Variants in QTMAN observed in about 807,000 individuals in gnomAD.
QTMAN encodes the protein queuosine-tRNA mannosyltransferase.
the QTMAN span, among the ~76,000 whole-genome samples, chr2:144,098,548 C>G: frequency 6.6e-6 from 1 of 152,032 alleles, no homozygotes; most frequent in Non-Finnish European, 1.5e-5. Context: ...AACCCCATCT[C>G]TACTAAAATA....
At chr2:144,170,984 C>CA in the QTMAN span, among the ~76,000 whole-genome samples, 1 of 152,104 alleles carries the variant, frequency 6.6e-6, no homozygotes, top group Non-Finnish European at 1.5e-5. Context: ...AACACAGTGA[C>CA]AGAGACTGAG....
the QTMAN span, chr2:144,127,910 T>C: frequency 6.6e-6 from 1 of 151,932 alleles, no homozygotes; most frequent in African/African-American, 2.4e-5. Flanking sequence ...CCCTATCCCA[T>C]ACTCTGAACT....
At chr2:144,113,770 C>T in the QTMAN span, among the ~76,000 whole-genome samples, 2 of 152,208 alleles carry the variant, frequency 1.3e-5, no homozygotes, top group South Asian at 4.1e-4. Context: ...TCATCAGAAT[C>T]TGTTTGCCTT....
At chr2:144,171,623 C>G in the QTMAN span, among the ~76,000 whole-genome samples, 1 of 152,070 alleles carries the variant, frequency 6.6e-6, no homozygotes. Context: ...CAGTACTGGA[C>G]ATTTCAATAT....
At chr2:143,946,039 T>TTA in the QTMAN span, 2 of 152,212 alleles carry the variant, frequency 1.3e-5, no homozygotes, top group Non-Finnish European at 2.9e-5. Flanking sequence ...GGTACTTTAT[T>TTA]AAGAATTTAT....
At chr2:144,051,691 C>T in the QTMAN span, among the ~76,000 whole-genome samples, 32 of 152,114 alleles carry the variant, frequency 2.1e-4, no homozygotes, top group East Asian at 1.2e-3. Flanking sequence ...GAGTAAGAGT[C>T]GAATTGAGAG....
At chr2:144,196,879 AG>A in the QTMAN span, among the ~76,000 whole-genome samples, 2 of 152,164 alleles carry the variant, frequency 1.3e-5, no homozygotes, top group Non-Finnish European at 2.9e-5. Flanking sequence ...ACTTTTTGGC[AG>A]GGGGGATAGT....
chr2:144,222,794 C>A, the QTMAN span, among the ~76,000 whole-genome samples: 1 of 151,840 alleles, frequency 6.6e-6, no homozygotes, highest in African/African-American at 2.4e-5. Context: ...GGCGACAGAG[C>A]GAGACTCTGT....
the QTMAN span, among the ~76,000 whole-genome samples, chr2:144,025,086 A>T: frequency 6.6e-6 from 1 of 152,210 alleles, no homozygotes; most frequent in Non-Finnish European, 1.5e-5. Flanking sequence ...TGCAAACGCT[A>T]AACAGAGGTG....
At chr2:144,158,121 A>T in the QTMAN span, among the ~76,000 whole-genome samples, 1 of 152,010 alleles carries the variant, frequency 6.6e-6, no homozygotes, top group East Asian at 1.9e-4. Flanking sequence ...CAGATGGGAC[A>T]TTCTAGTAAC....
At chr2:144,312,761 A>C in the QTMAN span, among the ~76,000 whole-genome samples, 2 of 152,116 alleles carry the variant, frequency 1.3e-5, no homozygotes, top group African/African-American at 4.8e-5. Flanking sequence ...ATAGTGAGTG[A>C]GTTCTCCTGA....
At chr2:143,975,323 T>G in the QTMAN span, among the ~76,000 whole-genome samples, 1 of 152,230 alleles carries the variant, frequency 6.6e-6, no homozygotes, top group African/African-American at 2.4e-5. Flanking sequence ...ACTGTTATCC[T>G]TTCCTATTTT....
chr2:144,224,081 C>A, the QTMAN span, among the ~76,000 whole-genome samples: 1 of 152,140 alleles, frequency 6.6e-6, no homozygotes, highest in Non-Finnish European at 1.5e-5. Flanking sequence ...CATTTCACTG[C>A]CTTAAAAATT....
chr2:144,020,237 G>GGCATTTCCTGCCTAAATGCT, the QTMAN span, among the ~76,000 whole-genome samples: 1 of 152,188 alleles, frequency 6.6e-6, no homozygotes, highest in Non-Finnish European at 1.5e-5. Flanking sequence ...GGTGAAGACA[G>GGCATTTCCTGCCTAAATGCT]GCATTTCCTG....
chr2:144,217,072 C>T, the QTMAN span, among the ~76,000 whole-genome samples: 1 of 152,110 alleles, frequency 6.6e-6, no homozygotes, highest in Non-Finnish European at 1.5e-5. Context: ...CTCCAGAAGT[C>T]TTCCACCTTC....
chr2:144,328,794 C>T, the QTMAN span, among the ~76,000 whole-genome samples: 5 of 152,106 alleles, frequency 3.3e-5, no homozygotes, highest in African/African-American at 9.7e-5. Context: ...AGTTCAAAGA[C>T]GTCCCTATGA....
the QTMAN span, among the ~76,000 whole-genome samples, chr2:144,002,935 A>C: frequency 1.3e-5 from 2 of 152,000 alleles, no homozygotes; most frequent in Non-Finnish European, 2.9e-5. Flanking sequence ...CAACAAATTA[A>C]ACACTTAAGC....
the QTMAN span, among the ~76,000 whole-genome samples, chr2:143,973,363 T>C: frequency 7.2e-5 from 11 of 152,332 alleles, no homozygotes; most frequent in East Asian, 1.9e-3. Context: ...TTACTTATAG[T>C]ATGCTTTTAA....
chr2:144,150,551 T>A, the QTMAN span, among the ~76,000 whole-genome samples: 1 of 152,070 alleles, frequency 6.6e-6, no homozygotes, highest in Admixed American at 6.6e-5. Context: ...GCTACTGTAT[T>A]GGAAAGCACA....
Sources: gnomAD v4.1 joint callset for allele counts (sites outside exome capture counted in the v4.1 genomes callset) on GRCh38, gnomAD v4.1.1 for gene constraint, MANE v1.5 for transcripts, NCBI Gene and HGNC (gene_info 2026-07-23, HGNC 2026-07-21) for gene names.